The following ANKRD36C variants were observed in gnomAD, a reference collection of about 807,000 sequenced individuals.
The protein encoded by ANKRD36C is ankyrin repeat domain 36C, also known as ankyrin repeat domain-containing protein 36C.
Under a neutral mutation model 276.4 loss-of-function variants are expected in ANKRD36C, and 61 were observed. The observed-to-expected ratio is 0.22, with a 90% confidence interval of 0.18 to 0.27. ANKRD36C has a LOEUF of 0.27. ANKRD36C is among the 10% of genes least tolerant of loss of function. The probability of loss-of-function intolerance (pLI) is 1.00; values close to 1 mark genes in which losing one functional copy is unlikely to be tolerated. For synonymous variants in ANKRD36C, 483 were observed against 680.1 expected (o/e 0.71, Z 4.51); for missense variants, 1,447 against 2,032.3 (o/e 0.71, Z 5.54).
Position 95,897,128 on chromosome 2 carries a change from A to G in ANKRD36C, c.2755+2017T>C, listed in dbSNP as rs1676575127. The G allele has an allele frequency of 3.7e-6, 4 of 1,079,550 alleles. No homozygotes were observed. In the Admixed American group the frequency reaches 1.1e-4, roughly 30 times the overall value. The allele number at this position is 1,079,550 out of a possible 1,614,324, so 66.9% of individuals were successfully genotyped here. On this transcript the variant is annotated intron_variant, in intron 44 of 66. Transcript: ENST00000456556. ...CAGACCAGCAGCATCATCATCACCC[A>G]CAAACTTATTTGAAATGAAGAATCT...
rs2696787 is a variant in ANKRD36C at position 95,855,996 on chromosome 2, T to C, written c.4265A>G (p.Glu1422Gly). Residue 1422 changes from glutamate to glycine, a missense_variant, in exon 63 of 67, where the codon GAG becomes GGG. Physicochemically the swap from Glu to Gly is moderately conservative, Grantham distance 98 (BLOSUM62 -2). Transcript: ENST00000456556. ...GGCTATCGTTTCTGCTAATGTTTCCTCATTCCGTTTTAGAGCCTTTTGAAG... is the reference window on the plus strand; with the variant it reads ...GGCTATCGTTTCTGCTAATGTTTCCCCATTCCGTTTTAGAGCCTTTTGAAG... 6.8e-4 allele frequency: 1,092 copies of C among 1,612,848 alleles called. 22 individuals are homozygous for C. In the South Asian group the frequency reaches 0.011, roughly 16 times the overall value.
At chr2:95,888,472 T>G (rs1341772561) in intron 48 of ANKRD36C, among the ~76,000 whole-genome samples, 2 of 151,744 alleles carry the variant, frequency 1.3e-5, no homozygotes, top group African/African-American at 4.8e-5. Context: ...AAGCAGGTTC[T>G]ACATGATGCC....
At chr2:95,851,994 A>T in intron 65 of ANKRD36C, 132 bp downstream of exon 85, 4 of 1,145,230 alleles carry the variant, frequency 3.5e-6, no homozygotes, top group Non-Finnish European at 5.1e-6. Context: ...GTATGTCAAT[A>T]TAGCTTACAG....
intron 44 of ANKRD36C, among the ~76,000 whole-genome samples, chr2:95,892,836 T>G (rs1465294400): frequency 6.6e-5 from 10 of 151,378 alleles, no homozygotes; most frequent in African/African-American, 2.4e-4. Flanking sequence ...TTTCTATAAC[T>G]AAAATCAACA....
At chr2:95,878,082 GC>G (rs1675994692) in intron 58 of ANKRD36C, among the ~76,000 whole-genome samples, 1 of 148,372 alleles carries the variant, frequency 6.7e-6, no homozygotes, top group Admixed American at 6.7e-5. Flanking sequence ...TACTCAGGGG[GC>G]TGAGGCAGGA....
At chr2:95,934,031 T>C (rs1257858938) in intron 24 of ANKRD36C, among the ~76,000 whole-genome samples, 1 of 152,274 alleles carries the variant, frequency 6.6e-6, no homozygotes, top group Non-Finnish European at 1.5e-5. Flanking sequence ...ATTAGAGAAA[T>C]GCAAATCAAA....
intron 59 of ANKRD36C, among the ~76,000 whole-genome samples, chr2:95,870,562 G>T (rs1675783849): frequency 6.6e-6 from 1 of 152,000 alleles, no homozygotes; most frequent in Non-Finnish European, 1.5e-5. Flanking sequence ...TCAAAGATGG[G>T]GAAAAAACAG....
chr2:95,970,159 G>C (rs539566678), intron 6 of ANKRD36C, among the ~76,000 whole-genome samples: 3 of 152,276 alleles, frequency 2.0e-5, no homozygotes, highest in African/African-American at 4.8e-5. Context: ...ACAGGATACA[G>C]AGCAGGGTCA....
intron 6 of ANKRD36C, among the ~76,000 whole-genome samples, chr2:95,963,972 A>AATATAAAT (rs1678521624): frequency 2.0e-5 from 1 of 48,994 alleles, no homozygotes; most frequent in African/African-American, 8.4e-5. Context: ...TATATATATA[A>AATATAAAT]ATATATATAT....
chr2:95,972,289 T>C (rs1344282699), intron 6 of ANKRD36C, among the ~76,000 whole-genome samples: 2 of 152,194 alleles, frequency 1.3e-5, no homozygotes, highest in Non-Finnish European at 2.9e-5. Context: ...AATTTTTGTA[T>C]ATGTGTGAGA....
chr2:95,864,745 C>T (rs1675651786), intron 60 of ANKRD36C, among the ~76,000 whole-genome samples: 1 of 151,952 alleles, frequency 6.6e-6, no homozygotes, highest in Non-Finnish European at 1.5e-5. Flanking sequence ...TATGGCTGCT[C>T]TCATACTAAA....
chr2:95,920,782 T>C (rs551524408), intron 34 of ANKRD36C, among the ~76,000 whole-genome samples: 1 of 149,442 alleles, frequency 6.7e-6, no homozygotes, highest in South Asian at 2.1e-4. Context: ...TGATACTTCT[T>C]GGGAGTATCA....
intron 8 of ANKRD36C, among the ~76,000 whole-genome samples, chr2:95,961,432 G>A (rs1003179892): frequency 5.3e-5 from 8 of 151,988 alleles, no homozygotes; most frequent in African/African-American, 1.9e-4. Context: ...ATATGAATAA[G>A]CTTTTCCATT....
intron 44 of ANKRD36C, among the ~76,000 whole-genome samples, chr2:95,892,326 G>A (rs1375796418): frequency 2.0e-5 from 3 of 151,410 alleles, no homozygotes; most frequent in Non-Finnish European, 4.4e-5. Context: ...ACACAATTAC[G>A]ATAACAATTC....
chr2:95,974,577 T>C (rs1344415974), intron 6 of ANKRD36C, among the ~76,000 whole-genome samples: 1 of 152,166 alleles, frequency 6.6e-6, no homozygotes, highest in East Asian at 1.9e-4. Context: ...TTGGTATACT[T>C]AGCATATCAT....
At position 95,914,306 on chromosome 2, in the gene ANKRD36C, G is replaced by A. The variant is rs918103816; in HGVS notation, c.2450-3C>T. 2 of 1,548,264 alleles carry A rather than the reference G, an allele frequency of 1.3e-6. No homozygotes were observed. The highest frequency in any genetic ancestry group is 1.4e-5 in the African/African-American group (1 of 72,846). On this transcript the variant is annotated splice_polypyrimidine_tract_variant and splice_region_variant and intron_variant, in intron 38 of 66. Coordinates refer to ENST00000456556, the Ensembl canonical transcript of ANKRD36C. ...GCCTGCTGGTTTCTCAGAAGTCACT[G>A]AAAAGTAAAAGGGATTCATAATCAC... is the stretch of plus-strand genomic sequence containing the variant.
At chr2:95,868,838 T>C (rs1185349162) in intron 59 of ANKRD36C, among the ~76,000 whole-genome samples, 1 of 152,016 alleles carries the variant, frequency 6.6e-6, no homozygotes, top group African/African-American at 2.4e-5. Flanking sequence ...CAAGCAGTTT[T>C]GTAATTTTCA....
At chr2:95,885,963 A>G (rs1676191368) in intron 52 of ANKRD36C, 85 bp downstream of exon 72, 1 of 1,557,010 alleles carries the variant, frequency 6.4e-7, no homozygotes. Flanking sequence ...ATAAAGCTTC[A>G]ATGAACCCCC....
At chr2:95,879,208 G>C (rs370064365) in intron 58 of ANKRD36C, among the ~76,000 whole-genome samples, 152 of 152,230 alleles carry the variant, frequency 1.0e-3, no homozygotes, top group East Asian at 2.7e-3. Context: ...AGAAAGGAAG[G>C]CTTCACATGT....
Sources: gnomAD v4.1 joint callset for allele counts (sites outside exome capture counted in the v4.1 genomes callset) on GRCh38, gnomAD v4.1.1 for gene constraint, MANE v1.5 for transcripts, NCBI Gene and HGNC (gene_info 2026-07-23, HGNC 2026-07-21) for gene names.